The following ZFPM2 variants were observed in gnomAD, a reference collection of about 807,000 sequenced individuals.
ZFPM2 encodes the protein zinc finger protein, FOG family member 2.
A neutral mutation model predicts 98.6 loss-of-function variants in ZFPM2; 20 were observed. That is an observed-to-expected ratio of 0.20 (90% CI 0.14 to 0.29). The LOEUF (loss-of-function observed/expected upper bound fraction) is 0.29, where lower values mean the gene tolerates loss of function less well. ZFPM2 is among the 10% of genes least tolerant of loss of function. ZFPM2 has a pLI of 1.00. For synonymous variants in ZFPM2, 518 were observed against 502.7 expected (o/e 1.03, Z -0.41); for missense variants, 1,310 against 1,388.6 (o/e 0.94, Z 0.90).
intron 1 of ZFPM2, among the ~76,000 whole-genome samples, chr8:105,328,171 T>C (rs1372356367): frequency 2.0e-5 from 3 of 151,848 alleles, no homozygotes; most frequent in East Asian, 1.9e-4. Flanking sequence ...TTGGATAAAT[T>C]CTGTGAAGAA....
At chr8:105,578,285 A>G (rs1410547990) in intron 4 of ZFPM2, among the ~76,000 whole-genome samples, 2 of 152,078 alleles carry the variant, frequency 1.3e-5, no homozygotes, top group South Asian at 2.1e-4. Flanking sequence ...ATCTTTTGCT[A>G]GTGCACACAC....
chr8:105,616,071 A>G (rs552032603), intron 4 of ZFPM2, among the ~76,000 whole-genome samples: 1 of 152,240 alleles, frequency 6.6e-6, no homozygotes, highest in East Asian at 1.9e-4. Flanking sequence ...AAGAATTTGC[A>G]TATTCTGAAA....
intron 1 of ZFPM2, among the ~76,000 whole-genome samples, chr8:105,364,825 T>C (rs185906039): frequency 2.0e-5 from 3 of 152,236 alleles, no homozygotes; most frequent in Non-Finnish European, 4.4e-5. Context: ...ATCCATTTCT[T>C]GTGTAGTGCA....
intron 5 of ZFPM2, among the ~76,000 whole-genome samples, chr8:105,761,327 C>T (rs1248864538): frequency 6.6e-6 from 1 of 151,992 alleles, no homozygotes; most frequent in Non-Finnish European, 1.5e-5. Flanking sequence ...TCCTTGACCA[C>T]TGTGTGTTCT....
At chr8:105,751,816 C>G (rs1812484137) in intron 5 of ZFPM2, among the ~76,000 whole-genome samples, 1 of 151,098 alleles carries the variant, frequency 6.6e-6, no homozygotes. Flanking sequence ...AAAAGTTCTT[C>G]AGCTGAGTGT....
intron 1 of ZFPM2, among the ~76,000 whole-genome samples, chr8:105,333,770 A>T (rs1486719774): frequency 6.6e-6 from 1 of 151,144 alleles, no homozygotes; most frequent in East Asian, 1.9e-4. Flanking sequence ...GCTGATATGG[A>T]AATATCTCAA....
At chr8:105,534,446 T>TCTTCCTCCTTTTCTTCCTTCCTCTCTTC (rs1814406697) in intron 3 of ZFPM2, among the ~76,000 whole-genome samples, 1 of 141,252 alleles carries the variant, frequency 7.1e-6, no homozygotes, top group African/African-American at 2.6e-5. Context: ...TTCCTTCCTC[T>TCTTCCTCCTTTTCTTCCTTCCTCTCTTC]CTTCCTTCCT....
intron 1 of ZFPM2, among the ~76,000 whole-genome samples, chr8:105,357,829 T>C (rs1812777258): frequency 6.6e-6 from 1 of 152,168 alleles, no homozygotes; most frequent in African/African-American, 2.4e-5. Context: ...AGAATGATGA[T>C]GCCACCCCTG....
intron 1 of ZFPM2, among the ~76,000 whole-genome samples, chr8:105,415,282 G>T (rs1811659033): frequency 6.6e-6 from 1 of 152,078 alleles, no homozygotes; most frequent in South Asian, 2.1e-4. Context: ...GCTTGAGGAT[G>T]TAAAACTAAT....
At chr8:105,593,698 C>T (rs533422490) in intron 4 of ZFPM2, among the ~76,000 whole-genome samples, 11 of 151,268 alleles carry the variant, frequency 7.3e-5, no homozygotes, top group African/African-American at 1.5e-4. Context: ...AGTCAAGGGC[C>T]GAAGACTTTC....
chr8:105,457,806 A>G (rs768717854), intron 3 of ZFPM2, among the ~76,000 whole-genome samples: 3 of 152,160 alleles, frequency 2.0e-5, no homozygotes, highest in East Asian at 1.9e-4. Flanking sequence ...CCTGGAAGGC[A>G]CTGTCCTCCC....
chr8:105,385,121 C>T (rs1206842740), intron 1 of ZFPM2, among the ~76,000 whole-genome samples: 3 of 152,146 alleles, frequency 2.0e-5, no homozygotes, highest in Non-Finnish European at 4.4e-5. Flanking sequence ...GACCACTTCT[C>T]AAAGAGGTTT....
intron 3 of ZFPM2, among the ~76,000 whole-genome samples, chr8:105,542,269 A>G (rs1206241228): frequency 1.3e-5 from 2 of 152,166 alleles, no homozygotes; most frequent in Non-Finnish European, 2.9e-5. Flanking sequence ...AGATAATTAG[A>G]TATTCAGGAT....
At chr8:105,534,569 GA>G (rs1246802796) in intron 3 of ZFPM2, among the ~76,000 whole-genome samples, 1 of 151,694 alleles carries the variant, frequency 6.6e-6, no homozygotes, top group Non-Finnish European at 1.5e-5. Context: ...TTTTCTGAGG[GA>G]AAGCTTAAAA....
intron 5 of ZFPM2, among the ~76,000 whole-genome samples, chr8:105,707,023 T>A (rs1020502641): frequency 6.6e-6 from 1 of 152,130 alleles, no homozygotes; most frequent in African/African-American, 2.4e-5. Context: ...GGAGGATTGC[T>A]TGAGCTTGGG....
At chr8:105,610,816 G>A (rs1816295060) in intron 4 of ZFPM2, among the ~76,000 whole-genome samples, 1 of 152,186 alleles carries the variant, frequency 6.6e-6, no homozygotes, top group Non-Finnish European at 1.5e-5. Flanking sequence ...TGGAGAGACA[G>A]ATTTCCTAAG....
chr8:105,417,287 C>G (rs555134035), intron 1 of ZFPM2, among the ~76,000 whole-genome samples: 1 of 152,212 alleles, frequency 6.6e-6, no homozygotes, highest in South Asian at 2.1e-4. Flanking sequence ...ATACTTACTT[C>G]ACTGGATTAT....
Position 105,802,102 on chromosome 8 carries a change from A to C in ZFPM2, c.2020A>C (p.Ser674Arg), listed in dbSNP as rs766147271. Residue 674 changes from serine to arginine, a missense_variant, in exon 8 of 8, where the codon AGT becomes CGT. Ser to Arg is a moderately radical substitution (Grantham distance 110, BLOSUM62 -1). Transcript: ENST00000407775. ...AAAACCTGTTGATGTGAAAAATCCC[A>C]GTGTCCCCTTAGTGGATGGGGAAAG... is the stretch of plus-strand genomic sequence containing the variant. ...NGKPVDVKNP[S>R]VPLVDGESDP... The C allele has an allele frequency of 6.2e-7, 1 of 1,613,900 alleles. No individual in the cohort carries two copies. The highest frequency in any genetic ancestry group is 1.7e-5 in the Admixed American group (1 of 60,006).
At chr8:105,752,366 C>G (rs1228023048) in intron 5 of ZFPM2, among the ~76,000 whole-genome samples, 1 of 152,064 alleles carries the variant, frequency 6.6e-6, no homozygotes, top group Admixed American at 6.5e-5. Flanking sequence ...CACAGACTTT[C>G]CGAGACTATG....
Sources: gnomAD v4.1 joint callset for allele counts (sites outside exome capture counted in the v4.1 genomes callset) on GRCh38, gnomAD v4.1.1 for gene constraint, MANE v1.5 for transcripts, NCBI Gene and HGNC (gene_info 2026-07-23, HGNC 2026-07-21) for gene names.